The following KLF13 variants were observed in gnomAD, a reference collection of about 807,000 sequenced individuals.
KLF13 encodes Krueppel-like factor 13.
A neutral mutation model predicts 16.7 loss-of-function variants in KLF13; 8 were observed. The observed-to-expected ratio is 0.48, with a 90% CI of 0.28 to 0.87. KLF13 has a LOEUF of 0.87. Ranked by LOEUF, KLF13 falls within the 40% of genes least tolerant of loss-of-function variation. The pLI is 0.10. For synonymous variants in KLF13, 245 were observed against 208.4 expected, an observed-to-expected ratio of 1.18 and a Z score of -1.51; for missense variants, 447 against 452.2, an observed-to-expected ratio of 0.99 and a Z score of 0.10.
intron 1 of KLF13, among the ~76,000 whole-genome samples, chr15:31,415,801 A>G (rs944162420): frequency 6.6e-6 from 1 of 152,202 alleles, no homozygotes; most frequent in South Asian, 2.1e-4. Context: ...AATGAAATAG[A>G]GAATAAAAAA....
At chr15:31,429,474 G>T (rs553360986) in intron 1 of KLF13, among the ~76,000 whole-genome samples, 117 of 152,268 alleles carry the variant, frequency 7.7e-4, no homozygotes, top group African/African-American at 2.8e-3. Context: ...TACAGAATTT[G>T]TCTTTGGGAA....
chr15:31,391,413 AG>A (rs201182505), upstream of KLF13, among the ~76,000 whole-genome samples: 1,603 of 19,198 alleles, frequency 0.083, 21 homozygotes, highest in Non-Finnish European at 0.11. Context: ...AGGGCTGTGG[AG>A]GGGGGATCTC....
Position 31,338,264 on chromosome 15 carries a change from T to C in KLF13, c.577+10475T>C, listed in dbSNP as rs759167338. ...TTGAATTCCTTTGCACATCTAGCACTGCACATGGCCTTGGAAGATGGACAT... is the reference window on the plus strand; with the variant it reads ...TTGAATTCCTTTGCACATCTAGCACCGCACATGGCCTTGGAAGATGGACAT... On this transcript the variant is annotated intron_variant, in intron 1 of 1. Coordinates refer to ENST00000307145, the MANE Select transcript of KLF13 (RefSeq NM_015995.4). Among the ~76,000 whole-genome samples, 92 of 152,364 alleles carry C rather than the reference T, an allele frequency of 6.0e-4. No individual in the cohort carries two copies. The Middle Eastern group carries it at 0.014, about 23-fold the overall frequency.
chr15:31,343,759 C>T (rs1358172379), intron 1 of KLF13, among the ~76,000 whole-genome samples: 1 of 152,212 alleles, frequency 6.6e-6, no homozygotes, highest in Non-Finnish European at 1.5e-5. Context: ...CAGGCTGAGT[C>T]CTGATGTGGG....
chr15:31,415,737 A>G (rs547242738), intron 1 of KLF13, among the ~76,000 whole-genome samples: 100 of 152,274 alleles, frequency 6.6e-4, no homozygotes, highest in African/African-American at 2.4e-3. Flanking sequence ...GAGACTGGAA[A>G]CTAAACCCAA....
chr15:31,335,030 G>A (rs1457549429), intron 1 of KLF13, among the ~76,000 whole-genome samples: 7 of 152,176 alleles, frequency 4.6e-5, no homozygotes, highest in African/African-American at 1.7e-4. Context: ...CTGCCATTTG[G>A]CCATAAACAC....
chr15:31,354,442 G>A (rs746938958), intron 1 of KLF13, among the ~76,000 whole-genome samples: 1 of 152,148 alleles, frequency 6.6e-6, no homozygotes, highest in Non-Finnish European at 1.5e-5. Flanking sequence ...GTGCAATGGC[G>A]CGATCTCAGC....
At chr15:31,334,308 G>T (rs747094217) in intron 1 of KLF13, among the ~76,000 whole-genome samples, 1 of 152,250 alleles carries the variant, frequency 6.6e-6, no homozygotes, top group Non-Finnish European at 1.5e-5. Context: ...TGTCTCCTAG[G>T]GCTGGGGAGG....
chr15:31,404,491 G>A (rs1236398445), exon 3 of KLF13: 1 of 152,260 alleles, frequency 6.6e-6, no homozygotes, highest in Non-Finnish European at 1.5e-5. Context: ...ACCAATCAGT[G>A]CTTTGTAAAG....
At chr15:31,428,305 CAT>C (rs2040423905) in intron 1 of KLF13, among the ~76,000 whole-genome samples, 1 of 152,094 alleles carries the variant, frequency 6.6e-6, no homozygotes, top group African/African-American at 2.4e-5. Flanking sequence ...TCTCGCACAA[CAT>C]GTGTAGGGAT....
intron 2 of KLF13, among the ~76,000 whole-genome samples, chr15:31,397,486 G>A (rs1439424679): frequency 1.3e-5 from 2 of 152,340 alleles, no homozygotes; most frequent in East Asian, 1.9e-4. Flanking sequence ...GGAGTGGGAG[G>A]GGCCGTGGCC....
intron 1 of KLF13, among the ~76,000 whole-genome samples, chr15:31,433,544 A>G (rs1378659087): frequency 6.6e-6 from 1 of 152,064 alleles, no homozygotes; most frequent in Non-Finnish European, 1.5e-5. Flanking sequence ...CACCCTGTAC[A>G]TGCGATCAGG....
intron 1 of KLF13, among the ~76,000 whole-genome samples, chr15:31,431,108 TA>T (rs905895804): frequency 6.6e-6 from 1 of 152,090 alleles, no homozygotes; most frequent in African/African-American, 2.4e-5. Context: ...TTAGTGACCT[TA>T]AAAAAAGAGA....
At chr15:31,424,905 A>ACACACACACACACACACACACAC (rs1555383520) in intron 1 of KLF13, among the ~76,000 whole-genome samples, 1 of 151,554 alleles carries the variant, frequency 6.6e-6, no homozygotes, top group African/African-American at 2.4e-5. Context: ...ACACACACAC[A>ACACACACACACACACACACACAC]AAGCTCTTAG....
At chr15:31,371,052 C>T (rs192849523) in intron 1 of KLF13, among the ~76,000 whole-genome samples, 3 of 152,166 alleles carry the variant, frequency 2.0e-5, no homozygotes, top group South Asian at 2.1e-4. Flanking sequence ...GGGATGAGAC[C>T]GTGTAGGAAG....
chr15:31,362,930 A>G (rs2039412034), intron 1 of KLF13, among the ~76,000 whole-genome samples: 1 of 152,146 alleles, frequency 6.6e-6, no homozygotes, highest in Non-Finnish European at 1.5e-5. Context: ...TCCATAATTT[A>G]TTTGACAGGC....
chr15:31,370,756 T>C (rs892357522), intron 1 of KLF13, among the ~76,000 whole-genome samples: 11 of 152,184 alleles, frequency 7.2e-5, no homozygotes, highest in African/African-American at 2.4e-4. Context: ...GGTATCCTCT[T>C]TGCTTTTGCA....
intron 1 of KLF13, among the ~76,000 whole-genome samples, chr15:31,344,853 C>A (rs902344051): frequency 9.9e-5 from 15 of 152,094 alleles, no homozygotes; most frequent in African/African-American, 3.6e-4. Context: ...CGGGATCCTC[C>A]CTGGGTCCCC....
At chr15:31,399,094 C>G (rs2039997555) in intron 2 of KLF13, among the ~76,000 whole-genome samples, 1 of 152,204 alleles carries the variant, frequency 6.6e-6, no homozygotes, top group Non-Finnish European at 1.5e-5. Context: ...GCAGAGCAGA[C>G]TCCACTGGGC....
Sources: allele counts gnomAD v4.1 joint callset (sites outside exome capture counted in the v4.1 genomes callset), GRCh38; gene constraint gnomAD v4.1.1; transcripts MANE v1.5; gene names NCBI Gene and HGNC (gene_info 2026-07-23, HGNC 2026-07-21).